TYW1: variants seen among roughly 807,000 people sequenced by gnomAD.
TYW1 encodes tRNA-yW synthesizing protein 1 homolog, also known as S-adenosyl-L-methionine-dependent tRNA 4-demethylwyosine synthase TYW1.
Under a neutral mutation model 96.2 loss-of-function variants are expected in TYW1, and 46 were observed. The ratio of observed to expected loss-of-function variants is 0.48; its 90% CI spans 0.38 to 0.61. TYW1 has a LOEUF of 0.61. Ranked by LOEUF, TYW1 falls within the 20% of genes least tolerant of loss-of-function variation. The probability of loss-of-function intolerance (pLI) is 0.00; values close to 1 mark genes in which losing one functional copy is unlikely to be tolerated. For synonymous variants in TYW1, 274 were observed against 323.0 expected (o/e 0.85, Z 1.63); for missense variants, 684 against 909.6 (o/e 0.75, Z 3.19).
rs1328540219 is a variant in TYW1 at position 67,027,939 on chromosome 7, A to AG, written c.984+2917_984+2918insG. On this transcript the variant is annotated intron_variant, in intron 7 of 15. Transcript: ENST00000359626. The stretch of plus-strand genomic sequence containing the variant: ...AGCGAGACTCCATCTCAAAAAAAAA[A>AG]AAAAAGCAGACCTGACTGGGTGTGG... 7.3e-5 allele frequency among the ~76,000 whole-genome samples: 11 copies of AG among 151,204 alleles called. No individual in the cohort carries two copies. The East Asian group carries it at 2.1e-3, about 29-fold the overall frequency.
chr7:67,119,263 G>T (rs1363989698), intron 13 of TYW1, among the ~76,000 whole-genome samples: 2 of 151,990 alleles, frequency 1.3e-5, no homozygotes, highest in African/African-American at 4.8e-5. Context: ...TCTGAGATCT[G>T]CTTGTTAGAC....
At chr7:67,090,087 A>C (rs1584546605) in intron 11 of TYW1, among the ~76,000 whole-genome samples, 1 of 152,254 alleles carries the variant, frequency 6.6e-6, no homozygotes, top group Non-Finnish European at 1.5e-5. Context: ...TTAGGCTAGA[A>C]GCAAAGTACT....
chr7:67,071,239 G>A (rs996725432), intron 10 of TYW1, among the ~76,000 whole-genome samples: 4 of 151,808 alleles, frequency 2.6e-5, no homozygotes, highest in African/African-American at 9.7e-5. Flanking sequence ...TCTGGGTTTT[G>A]TTTGTTTAGT....
chr7:67,074,970 C>T (rs1311595455), intron 10 of TYW1, among the ~76,000 whole-genome samples: 2 of 152,294 alleles, frequency 1.3e-5, no homozygotes, highest in African/African-American at 4.8e-5. Flanking sequence ...GGACTAAAGA[C>T]ATGTGCCACC....
At chr7:67,183,797 CTTATTTTAT>C (rs1403686504) in intron 14 of TYW1, among the ~76,000 whole-genome samples, 1 of 151,920 alleles carries the variant, frequency 6.6e-6, no homozygotes, top group Non-Finnish European at 1.5e-5. Context: ...GATTTCTACT[CTTATTTTAT>C]TTACTTTATT....
chr7:67,183,819 A>G (rs924512222), intron 14 of TYW1, among the ~76,000 whole-genome samples: 7 of 151,370 alleles, frequency 4.6e-5, no homozygotes, highest in Non-Finnish European at 7.4e-5. Flanking sequence ...ACTTTATTTC[A>G]TATTTTATTT....
intron 4 of TYW1, among the ~76,000 whole-genome samples, chr7:67,014,117 A>G (rs1793923056): frequency 1.3e-5 from 2 of 152,262 alleles, no homozygotes; most frequent in South Asian, 4.1e-4. Context: ...TATAGTCTGG[A>G]TAACGGAATG....
chr7:67,132,752 T>G (rs776120082), intron 13 of TYW1, among the ~76,000 whole-genome samples: 1 of 152,178 alleles, frequency 6.6e-6, no homozygotes, highest in Non-Finnish European at 1.5e-5. Flanking sequence ...TGTTTTTCTT[T>G]TGTTTGATAT....
chr7:67,018,951 G>A (rs1163672086), intron 6 of TYW1, among the ~76,000 whole-genome samples: 3 of 132,514 alleles, frequency 2.3e-5, no homozygotes, highest in Non-Finnish European at 4.7e-5. Context: ...GTGAGACTCA[G>A]TCTCAAAAAA....
chr7:67,150,372 CAAAA>C (rs1006860086), intron 13 of TYW1, among the ~76,000 whole-genome samples: 4 of 152,070 alleles, frequency 2.6e-5, no homozygotes, highest in Admixed American at 6.6e-5. Flanking sequence ...AAACCCAAAA[CAAAA>C]AAACTACCAC....
intron 11 of TYW1, among the ~76,000 whole-genome samples, chr7:67,085,001 G>C (rs1796503871): frequency 1.3e-5 from 2 of 152,088 alleles, no homozygotes; most frequent in Non-Finnish European, 2.9e-5. Flanking sequence ...CTTCTCTCCT[G>C]TATTCTTCTT....
chr7:67,195,097 G>A (rs1248329083), intron 14 of TYW1, 73 bp from the exon 15 acceptor site: 27 of 1,543,652 alleles, frequency 1.7e-5, no homozygotes, highest in African/African-American at 2.8e-5. Flanking sequence ...AAGGTTTTCC[G>A]GCTCTGAAAG....
intron 13 of TYW1, among the ~76,000 whole-genome samples, chr7:67,177,997 A>AG (rs1327620354): frequency 1.5e-5 from 2 of 129,140 alleles, no homozygotes; most frequent in African/African-American, 3.2e-5. Flanking sequence ...CTACAGAAAA[A>AG]AAAAAAGAAA....
intron 13 of TYW1, among the ~76,000 whole-genome samples, chr7:67,149,768 A>ATCTATCTC (rs1213351846): frequency 2.1e-4 from 18 of 84,152 alleles, no homozygotes; most frequent in African/African-American, 1.1e-3. Flanking sequence ...CTATCTATCT[A>ATCTATCTC]TCTATCTCTC....
Position 67,179,867 on chromosome 7 carries a change from T to A in TYW1, c.1699-3259T>A, listed in dbSNP as rs373906063. The stretch of plus-strand genomic sequence containing the variant: ...TAGGAATATATATATATATATATAT[T>A]TTTTTTTTTTGGCGGGGGACAGGGT... On this transcript the variant is annotated intron_variant, in intron 13 of 15. Coordinates refer to ENST00000359626, the MANE Select transcript of TYW1 (RefSeq NM_018264.4). 3.3e-3 allele frequency among the ~76,000 whole-genome samples: 305 copies of A among 92,940 alleles called. 31 individuals are homozygous for A. Among genetic ancestry groups the A allele is most frequent in the East Asian group, 8.4e-3 (39 of 4,658 alleles). The allele number at this position is 92,940 out of a possible 152,430, so 61.0% of individuals were successfully genotyped here. A position where few individuals can be genotyped will look rare whatever the true frequency, so the allele number is the denominator to read the frequency against.
At position 67,238,693 on chromosome 7, in the gene TYW1, C is replaced by T. The variant is rs1801971739; in HGVS notation, c.*164C>T. ...AGACACGGGGGACAGCGTCCACACT[C>T]AGAGGGCCTGGGCCACAGCCCCGAT... On this transcript the variant is annotated 3_prime_UTR_variant, in exon 16 of 16. Transcript: ENST00000359626. 2.1e-6 allele frequency: 3 copies of T among 1,436,766 alleles called. No homozygotes were observed. The highest frequency in any genetic ancestry group is 2.7e-6 in the Non-Finnish European group (3 of 1,092,640). The allele number at this position is 1,436,766 out of a possible 1,614,324, so 89.0% of individuals were successfully genotyped here.
At chr7:67,223,496 G>C (rs1801462068) in intron 15 of TYW1, among the ~76,000 whole-genome samples, 1 of 151,776 alleles carries the variant, frequency 6.6e-6, no homozygotes, top group East Asian at 1.9e-4. Flanking sequence ...ATTTTTTAAT[G>C]TCTTAGTCTT....
chr7:67,239,156 T>C lies in TYW1; in HGVS notation c.*627T>C, dbSNP rs1285698965. 1.0e-6 allele frequency: 1 copy of C among 985,864 alleles called. No homozygotes were observed. Among genetic ancestry groups the C allele is most frequent in the African/African-American group, 1.7e-5 (1 of 57,336 alleles). The allele number at this position is 985,864 out of a possible 1,614,324, so 61.1% of individuals were successfully genotyped here. On this transcript the variant is annotated 3_prime_UTR_variant, in exon 16 of 16. Coordinates refer to ENST00000359626, the MANE Select transcript of TYW1 (RefSeq NM_018264.4). ...ACTACTAGATCTCATCCCATTCCCATGTAAATTACCACAGACCGCAGTACC... is the reference window on the plus strand; with the variant it reads ...ACTACTAGATCTCATCCCATTCCCACGTAAATTACCACAGACCGCAGTACC...
intron 3 of TYW1, among the ~76,000 whole-genome samples, chr7:67,005,251 C>T (rs1291867007): frequency 1.3e-5 from 2 of 152,038 alleles, no homozygotes. Context: ...TGGGGATGGC[C>T]ATCTTACGTA....
Sources: allele counts gnomAD v4.1 joint callset (sites outside exome capture counted in the v4.1 genomes callset), GRCh38; gene constraint gnomAD v4.1.1; transcripts MANE v1.5; gene names NCBI Gene and HGNC (gene_info 2026-07-23, HGNC 2026-07-21).